The following MRPS27 variants were observed in gnomAD, a reference collection of about 807,000 sequenced individuals.
MRPS27 encodes mitochondrial ribosomal protein S27, also known as small ribosomal subunit protein mS27.
A neutral mutation model predicts 48.9 loss-of-function variants in MRPS27; 43 were observed. That is an observed-to-expected ratio of 0.88 (90% CI 0.69 to 1.13). MRPS27 has a LOEUF of 1.13. Among genes scored for constraint, MRPS27 ranks in the 50% most tolerant of loss-of-function variants. The pLI, the probability that MRPS27 is intolerant of heterozygous loss-of-function variation, is 0.00. For missense variants in MRPS27, 467 were observed against 476.3 expected, an observed-to-expected ratio of 0.98 and a Z score of 0.18; for synonymous variants, 188 against 171.9, an observed-to-expected ratio of 1.09 and a Z score of -0.73.
chr5:72,253,810 T>A (rs757970726), intron 4 of MRPS27, among the ~76,000 whole-genome samples: 11 of 152,236 alleles, frequency 7.2e-5, no homozygotes, highest in Non-Finnish European at 1.2e-4. Flanking sequence ...CTGTAATACA[T>A]CTTTTTTTCC....
chr5:72,221,033 G>A lies in MRPS27; in HGVS notation c.1121C>T (p.Thr374Ile), dbSNP rs1747726292. Residue 374 changes from threonine (T) to isoleucine (I), a missense_variant, in exon 11 of 11, where the codon ACC becomes ATC. Physicochemically the swap from Thr to Ile is moderately conservative, Grantham distance 89. Transcript: ENST00000261413. ...LSTCEAEDIA[T>I]YEQNLQQWHL... Reference sequence around the variant, plus strand: ...CCACTGCTGCAGATTCTGCTCATAGGTGGCGATGTCCTCTGCTTCACAGGT... The same window carrying A: ...CCACTGCTGCAGATTCTGCTCATAGATGGCGATGTCCTCTGCTTCACAGGT... 1 of 1,614,166 alleles carries A rather than the reference G, an allele frequency of 6.2e-7. No homozygotes were observed. The highest frequency in any genetic ancestry group is 1.3e-5 in the African/African-American group (1 of 75,046).
chr5:72,303,217 G>C (rs987626688), intron 2 of MRPS27, among the ~76,000 whole-genome samples: 1 of 152,142 alleles, frequency 6.6e-6, no homozygotes, highest in African/African-American at 2.4e-5. Context: ...TGACTTTATG[G>C]ACATATACAC....
intron 4 of MRPS27, among the ~76,000 whole-genome samples, chr5:72,273,892 A>C (rs552339977): frequency 6.6e-6 from 1 of 152,228 alleles, no homozygotes; most frequent in African/African-American, 2.4e-5. Flanking sequence ...TTTTACTTTA[A>C]AAACTTAATT....
intron 5 of MRPS27, among the ~76,000 whole-genome samples, chr5:72,236,007 G>C (rs1046580447): frequency 6.6e-6 from 1 of 152,138 alleles, no homozygotes; most frequent in African/African-American, 2.4e-5. Context: ...CCTGTGTGAT[G>C]AGTACAGCAT....
At chr5:72,222,752 C>T (rs751684941) in intron 10 of MRPS27, among the ~76,000 whole-genome samples, 13 of 152,072 alleles carry the variant, frequency 8.5e-5, no homozygotes, top group Admixed American at 6.6e-4. Context: ...TTGGGAATAT[C>T]GATTAACCTT....
intron 4 of MRPS27, among the ~76,000 whole-genome samples, chr5:72,281,070 C>A (rs1472883902): frequency 2.0e-5 from 3 of 152,254 alleles, no homozygotes; most frequent in Admixed American, 2.0e-4. Context: ...CACCTTGATG[C>A]CCTTGGGGCA....
chr5:72,220,830 G>A lies in MRPS27; in HGVS notation c.*79C>T. ...AAGATGGGTAGAGGAAGCTGAGGCT[G>A]TTGTCCAGGCCACTGCTGAGTCCTG... On this transcript the variant is annotated 3_prime_UTR_variant, in exon 11 of 11. Coordinates refer to ENST00000261413, the MANE Select transcript of MRPS27 (RefSeq NM_015084.3). The A allele has an allele frequency of 6.4e-7, 1 of 1,561,120 alleles. No homozygotes were observed.
At chr5:72,242,337 C>T (rs561484674) in intron 4 of MRPS27, among the ~76,000 whole-genome samples, 1 of 150,280 alleles carries the variant, frequency 6.7e-6, no homozygotes, top group Admixed American at 6.7e-5. Flanking sequence ...AGCAGAATCA[C>T]AGGCTGCCAA....
intron 2 of MRPS27, among the ~76,000 whole-genome samples, chr5:72,300,650 A>G (rs1750103628): frequency 6.6e-6 from 1 of 152,214 alleles, no homozygotes; most frequent in Admixed American, 6.5e-5. Context: ...TTCACACTCT[A>G]TAACCAATTT....
chr5:72,278,867 A>G (rs1580093172), intron 4 of MRPS27, among the ~76,000 whole-genome samples: 1 of 152,206 alleles, frequency 6.6e-6, no homozygotes. Context: ...TGTAAAAAAA[A>G]GTCTATCACA....
intron 2 of MRPS27, among the ~76,000 whole-genome samples, chr5:72,303,473 T>G (rs1298701705): frequency 1.3e-5 from 2 of 152,098 alleles, no homozygotes; most frequent in Non-Finnish European, 2.9e-5. Flanking sequence ...GAGACAATGA[T>G]GAGAATTTTT....
At chr5:72,299,690 G>C (rs1317443117) in intron 2 of MRPS27, among the ~76,000 whole-genome samples, 1 of 152,166 alleles carries the variant, frequency 6.6e-6, no homozygotes, top group African/African-American at 2.4e-5. Context: ...GGAATATTTG[G>C]TATTTCTGAG....
chr5:72,269,118 G>C (rs188637035), intron 4 of MRPS27, among the ~76,000 whole-genome samples: 119 of 152,342 alleles, frequency 7.8e-4, no homozygotes, highest in African/African-American at 2.7e-3. Flanking sequence ...TTGCATATGA[G>C]TTTTCCTTGT....
At chr5:72,284,430 A>T (rs769139165) in intron 4 of MRPS27, among the ~76,000 whole-genome samples, 13 of 137,760 alleles carry the variant, frequency 9.4e-5, no homozygotes, top group East Asian at 4.1e-4. Flanking sequence ...TCTTTAAATT[A>T]AAAAAAAAAA....
chr5:72,300,883 T>C (rs1049525662), intron 2 of MRPS27, among the ~76,000 whole-genome samples: 1 of 152,196 alleles, frequency 6.6e-6, no homozygotes, highest in African/African-American at 2.4e-5. Context: ...TTTTTCTGTC[T>C]CTTACACTAA....
At chr5:72,291,817 T>G (rs1001756698) in intron 4 of MRPS27, among the ~76,000 whole-genome samples, 24 of 152,262 alleles carry the variant, frequency 1.6e-4, no homozygotes, top group Non-Finnish European at 2.5e-4. Context: ...TGGTCTGGCC[T>G]ATCTCCAGAC....
In MRPS27 at chr5:72,278,404, C is replaced by T. The variant is rs1382539376; in HGVS notation, c.281+17127G>A. On this transcript the variant is annotated intron_variant, in intron 4 of 10. Coordinates refer to ENST00000261413, the MANE Select transcript of MRPS27 (RefSeq NM_015084.3). ...ATTGCAGTGAGCCGAGATCGCGCCA[C>T]TGCACTCCAGCCTGGGTGACAGAGC... 2.8e-5 allele frequency among the ~76,000 whole-genome samples: 4 copies of T among 142,772 alleles called. No individual in the cohort carries two copies. In the East Asian group the frequency reaches 8.2e-4, roughly 29 times the overall value. 93.7% of individuals were successfully genotyped at this position (142,772 alleles called of 152,430 possible).
chr5:72,279,929 A>G (rs1381271878), intron 4 of MRPS27, among the ~76,000 whole-genome samples: 1 of 152,194 alleles, frequency 6.6e-6, no homozygotes, highest in Non-Finnish European at 1.5e-5. Context: ...GTAAGAATGA[A>G]GAATTTTCCC....
At chr5:72,282,779 C>A (rs970236809) in intron 4 of MRPS27, among the ~76,000 whole-genome samples, 1 of 152,174 alleles carries the variant, frequency 6.6e-6, no homozygotes, top group Non-Finnish European at 1.5e-5. Flanking sequence ...GGATACCCAA[C>A]TTCTCATACC....
Sources: gnomAD v4.1 joint callset for allele counts (sites outside exome capture counted in the v4.1 genomes callset) on GRCh38, gnomAD v4.1.1 for gene constraint, MANE v1.5 for transcripts, NCBI Gene and HGNC (gene_info 2026-07-23, HGNC 2026-07-21) for gene names.